Variants in SLC35F3 observed in about 807,000 individuals in gnomAD.
SLC35F3 encodes putative thiamine transporter SLC35F3.
A neutral mutation model predicts 49.9 loss-of-function variants in SLC35F3; 25 were observed. That is an observed-to-expected ratio of 0.50 (90% CI 0.37 to 0.70). SLC35F3 has a LOEUF of 0.70. SLC35F3 is among the 30% of genes least tolerant of loss of function. The pLI, the probability that SLC35F3 is intolerant of heterozygous loss-of-function variation, is 0.00. For missense variants in SLC35F3, 525 were observed against 639.8 expected, an observed-to-expected ratio of 0.82 and a Z score of 1.94; for synonymous variants, 275 against 265.4, an observed-to-expected ratio of 1.04 and a Z score of -0.35.
At chr1:234,283,166 C>A (rs957145295) in intron 3 of SLC35F3, among the ~76,000 whole-genome samples, 1 of 152,176 alleles carries the variant, frequency 6.6e-6, no homozygotes, top group Non-Finnish European at 1.5e-5. Context: ...GGGAATGCAC[C>A]TCTTCATCCC....
chr1:234,272,800 G>T (rs1335204252), intron 3 of SLC35F3, among the ~76,000 whole-genome samples: 1 of 152,084 alleles, frequency 6.6e-6, no homozygotes, highest in Non-Finnish European at 1.5e-5. Flanking sequence ...ATGTCCTCTT[G>T]GTGGGTGGCT....
rs1412423894 is a variant in SLC35F3 at position 234,231,905 on chromosome 1, TTC to T, written c.608+166_608+167del. Among the ~76,000 whole-genome samples, 1 of 152,068 alleles carries T rather than the reference TTC, an allele frequency of 6.6e-6. No homozygotes were observed. Among genetic ancestry groups the T allele is most frequent in the African/African-American group, 2.4e-5 (1 of 41,404 alleles). On this transcript the variant is annotated intron_variant, in intron 3 of 7. Transcript: ENST00000366618. This position sits in a 1 kb window ranked among gnomAD's most constrained non-coding sequence, Gnocchi z 5.4. The stretch of plus-strand genomic sequence containing the variant: ...GCTCTCAGTGGGGTCGGGAGCAGAA[TTC>T]TGTCTACCCTGGGTAGTGAACGCCT...
chr1:234,148,931 C>CATGTAGGGGCATGAGGTG (rs1396823091), intron 2 of SLC35F3, among the ~76,000 whole-genome samples: 3 of 152,090 alleles, frequency 2.0e-5, no homozygotes, highest in Non-Finnish European at 4.4e-5. Flanking sequence ...GATGGGAAAA[C>CATGTAGGGGCATGAGGTG]ATGTAGGGGC....
At chr1:234,073,915 G>A (rs1326704381) in intron 2 of SLC35F3, among the ~76,000 whole-genome samples, 1 of 152,106 alleles carries the variant, frequency 6.6e-6, no homozygotes, top group African/African-American at 2.4e-5. Context: ...TTTTAAGTGT[G>A]CATTCGATCG....
Position 234,032,980 on chromosome 1 carries a change from G to A in SLC35F3, c.283+127222G>A, listed in dbSNP as rs547217746. Among the ~76,000 whole-genome samples the A allele has an allele frequency of 7.9e-4, 120 of 151,846 alleles. 2 individuals carry two copies. The highest frequency in any genetic ancestry group is 3.4e-3 in the Middle Eastern group (1 of 294). Reference sequence around the variant, plus strand: ...TAGTTATACTAGTTTATATTCCCACGAACAGTGTAAAAGTGTTCCCTTTTC... The same window carrying A: ...TAGTTATACTAGTTTATATTCCCACAAACAGTGTAAAAGTGTTCCCTTTTC... On this transcript the variant is annotated intron_variant, in intron 2 of 7. Transcript: ENST00000366618.
At chr1:234,032,811 G>T (rs1664083543) in intron 2 of SLC35F3, among the ~76,000 whole-genome samples, 1 of 152,144 alleles carries the variant, frequency 6.6e-6, no homozygotes, top group Admixed American at 6.5e-5. Context: ...GTTGCAAGTT[G>T]TGCTGCTATA....
chr1:233,945,261 A>T (rs1194485246), intron 2 of SLC35F3, among the ~76,000 whole-genome samples: 1 of 152,088 alleles, frequency 6.6e-6, no homozygotes, highest in Admixed American at 6.6e-5. Context: ...CCTGAAGGCC[A>T]GGCGGCATGC....
intron 2 of SLC35F3, among the ~76,000 whole-genome samples, chr1:234,212,314 G>A (rs1429756090): frequency 6.6e-6 from 1 of 152,204 alleles, no homozygotes; most frequent in African/African-American, 2.4e-5. Flanking sequence ...GTATAAACCA[G>A]TTTCCCCAGG....
At chr1:234,263,273 A>C (rs1445959217) in intron 3 of SLC35F3, among the ~76,000 whole-genome samples, 2 of 152,178 alleles carry the variant, frequency 1.3e-5, no homozygotes, top group Non-Finnish European at 2.9e-5. Context: ...TGGGGAACTT[A>C]AAAGAGATAT....
rs1664627223 is a variant in SLC35F3 at position 234,066,830 on chromosome 1, C to CACACA, written c.283+161072_283+161073insACACA. Among the ~76,000 whole-genome samples, 246 of 135,212 alleles carry CACACA rather than the reference C, an allele frequency of 1.8e-3. 1 individual carries two copies. The highest frequency in any genetic ancestry group is 6.9e-3 in the African/African-American group (243 of 35,098). The allele number at this position is 135,212 out of a possible 152,430, so 88.7% of individuals were successfully genotyped here. On this transcript the variant is annotated intron_variant, in intron 2 of 7. Transcript: ENST00000366618. ...CTCTCTGTCTCTGTCCCTCTCTCTCCCACACACACACACACACACACACAC... is the reference window on the plus strand; with the variant it reads ...CTCTCTGTCTCTGTCCCTCTCTCTCCACACACACACACACACACACACACACACAC...
intron 2 of SLC35F3, among the ~76,000 whole-genome samples, chr1:234,199,597 G>A (rs1408730408): frequency 6.6e-6 from 1 of 152,132 alleles, no homozygotes; most frequent in Admixed American, 6.6e-5. Flanking sequence ...TGATTTTTTG[G>A]TTGACTCCAA....
intron 4 of SLC35F3, 144 bp from the exon 5 acceptor site, chr1:234,316,458 C>A: frequency 9.2e-7 from 1 of 1,091,600 alleles, no homozygotes; most frequent in Non-Finnish European, 1.3e-6. Context: ...TTGCCTGTTG[C>A]TCTCCCAAGG....
intron 2 of SLC35F3, among the ~76,000 whole-genome samples, chr1:233,934,484 A>C (rs917476082): frequency 6.6e-6 from 1 of 152,208 alleles, no homozygotes; most frequent in East Asian, 1.9e-4. Context: ...TTACATGTGC[A>C]TTTATCTTGT....
chr1:234,201,107 C>G (rs1026245057), intron 2 of SLC35F3, among the ~76,000 whole-genome samples: 7 of 152,190 alleles, frequency 4.6e-5, no homozygotes, highest in African/African-American at 1.7e-4. Context: ...AGAGAACAGT[C>G]ACCAAATGCA....
chr1:234,258,568 G>A (rs1396945155), intron 3 of SLC35F3, among the ~76,000 whole-genome samples: 1 of 152,202 alleles, frequency 6.6e-6, no homozygotes, highest in African/African-American at 2.4e-5. Context: ...TACAAAGGCA[G>A]TTCCATCCTG....
At chr1:234,280,082 C>T (rs765594143) in intron 3 of SLC35F3, among the ~76,000 whole-genome samples, 1 of 152,196 alleles carries the variant, frequency 6.6e-6, no homozygotes, top group Non-Finnish European at 1.5e-5. Flanking sequence ...ACACAAGAGC[C>T]ACACAGAGCC....
rs538604408 is a variant in SLC35F3 at position 233,979,293 on chromosome 1, G to T, written c.283+73535G>T. ...TCTGGACATTCAAGTCTCTCTTCAC[G>T]TTAGGGGATTTTTAACTCTGCCAAA... On this transcript the variant is annotated intron_variant, in intron 2 of 7. Transcript: ENST00000366618. Among the ~76,000 whole-genome samples the T allele has an allele frequency of 4.1e-4, 63 of 152,216 alleles. 1 individual carries two copies. Among genetic ancestry groups the T allele is most frequent in the Non-Finnish European group, 3.8e-4 (26 of 68,014 alleles).
At chr1:233,930,493 G>A (rs941959176) in intron 2 of SLC35F3, among the ~76,000 whole-genome samples, 1 of 152,108 alleles carries the variant, frequency 6.6e-6, no homozygotes, top group Non-Finnish European at 1.5e-5. Flanking sequence ...TTTTTATGTG[G>A]TTCTCAGAGT....
chr1:233,916,712 C>G (rs1661978198), intron 2 of SLC35F3, among the ~76,000 whole-genome samples: 1 of 152,196 alleles, frequency 6.6e-6, no homozygotes, highest in African/African-American at 2.4e-5. Flanking sequence ...GTGATTGTCT[C>G]TCAATACGTT....
Sources: gnomAD v4.1 joint callset for allele counts (sites outside exome capture counted in the v4.1 genomes callset) on GRCh38, gnomAD v4.1.1 for gene constraint, Gnocchi (gnomAD v3.1) non-coding constraint, MANE v1.5 for transcripts, NCBI Gene and HGNC (gene_info 2026-07-23, HGNC 2026-07-21) for gene names.